GRIK4: variants seen among roughly 807,000 people sequenced by gnomAD.
The protein encoded by GRIK4 is glutamate receptor ionotropic, kainate 4.
GRIK4 carries 40 observed loss-of-function variants against 104.9 expected under a neutral mutation model. The ratio of observed to expected loss-of-function variants is 0.38; its 90% CI spans 0.30 to 0.50. GRIK4 has a LOEUF of 0.50. GRIK4 is among the 20% of genes least tolerant of loss of function. The pLI, the probability that GRIK4 is intolerant of heterozygous loss-of-function variation, is 0.93. For missense variants in GRIK4, 1,047 were observed against 1,308.1 expected (o/e 0.80, Z 3.08); for synonymous variants, 485 against 524.9 (o/e 0.92, Z 1.04).
intron 1 of GRIK4, chr11:120,620,163 A>G (rs1173423011): frequency 3.6e-6 from 3 of 843,154 alleles, no homozygotes; most frequent in Non-Finnish European, 6.3e-6. Flanking sequence ...ATGTTAATGC[A>G]TGTTCTCTTT....
chr11:120,884,933 G>A (rs943365795), intron 11 of GRIK4, among the ~76,000 whole-genome samples: 3 of 152,256 alleles, frequency 2.0e-5, no homozygotes. Flanking sequence ...AGTGTCCTGA[G>A]TTCCAGAAGG....
At chr11:120,601,538 G>A (rs1591728260) in intron 1 of GRIK4, among the ~76,000 whole-genome samples, 1 of 152,040 alleles carries the variant, frequency 6.6e-6, no homozygotes, top group Non-Finnish European at 1.5e-5. Flanking sequence ...TGTTTAAGGC[G>A]GGGTGTGGGG....
chr11:120,633,647 A>C (rs1333691017), intron 1 of GRIK4, among the ~76,000 whole-genome samples: 1 of 152,110 alleles, frequency 6.6e-6, no homozygotes, highest in East Asian at 1.9e-4. Context: ...TTAAGTAAAG[A>C]GGGAAATGAA....
At chr11:120,579,759 A>T (rs1948543523) in intron 1 of GRIK4, among the ~76,000 whole-genome samples, 1 of 152,034 alleles carries the variant, frequency 6.6e-6, no homozygotes, top group Non-Finnish European at 1.5e-5. Flanking sequence ...TTATTAAGGT[A>T]TGTTTTACAC....
intron 4 of GRIK4, among the ~76,000 whole-genome samples, chr11:120,813,188 A>T (rs1952863859): frequency 6.6e-6 from 1 of 152,160 alleles, no homozygotes; most frequent in Non-Finnish European, 1.5e-5. Flanking sequence ...AGTGGCTGTG[A>T]GAGAGGAACA....
At chr11:120,740,292 A>G (rs1256688029) in intron 3 of GRIK4, among the ~76,000 whole-genome samples, 3 of 152,188 alleles carry the variant, frequency 2.0e-5, no homozygotes, top group African/African-American at 7.2e-5. Flanking sequence ...CCGGCCATGC[A>G]CCTGCTGTTG....
rs568076337 is a variant in GRIK4, at chr11:120,523,969, C to A, written c.-159+12082C>A. The stretch of plus-strand genomic sequence containing the variant: ...CTGAGACGGAGCCTTGCTCTGTCAC[C>A]AGGCTGGAGTGCAGTGGCACGATCT... On this transcript the variant is annotated intron_variant, in intron 1 of 20. Coordinates refer to ENST00000527524, the MANE Select transcript of GRIK4 (RefSeq NM_014619.5). Among the ~76,000 whole-genome samples, 302 of 151,790 alleles carry A rather than the reference C, an allele frequency of 2.0e-3. 1 individual carries two copies. Among genetic ancestry groups the A allele is most frequent in the African/African-American group, 7.0e-3 (288 of 41,332 alleles).
intron 1 of GRIK4, among the ~76,000 whole-genome samples, chr11:120,514,005 G>A (rs1185403578): frequency 6.6e-6 from 1 of 152,190 alleles, no homozygotes; most frequent in Non-Finnish European, 1.5e-5. Flanking sequence ...GAAAGTCCCA[G>A]CTGCAGGGAG....
rs1418368397 is a variant in GRIK4 at position 120,636,986 on chromosome 11, T to C, written c.-158-16699T>C. 2.6e-5 allele frequency among the ~76,000 whole-genome samples: 4 copies of C among 152,098 alleles called. No homozygotes were observed. In the East Asian group the frequency reaches 7.7e-4, roughly 29 times the overall value. ...AGGGTGCCCCCCAGTGATAAGCTGGTGCAAAACCAGCTTCTGCCTGCTTCG... is the reference window on the plus strand; with the variant it reads ...AGGGTGCCCCCCAGTGATAAGCTGGCGCAAAACCAGCTTCTGCCTGCTTCG... On this transcript the variant is annotated intron_variant, in intron 1 of 20. Coordinates refer to ENST00000527524, the MANE Select transcript of GRIK4 (RefSeq NM_014619.5).
chr11:120,891,783 CTT>C (rs933689921), intron 11 of GRIK4, among the ~76,000 whole-genome samples: 1 of 152,088 alleles, frequency 6.6e-6, no homozygotes, highest in Non-Finnish European at 1.5e-5. Flanking sequence ...AGGAGTCCGA[CTT>C]TGAGGGATTA....
chr11:120,704,920 C>T (rs958356293), intron 3 of GRIK4, among the ~76,000 whole-genome samples: 3 of 152,172 alleles, frequency 2.0e-5, no homozygotes, highest in Admixed American at 2.0e-4. Flanking sequence ...TGTGGTTTTC[C>T]AGTTGTCCCA....
chr11:120,673,275 G>T (rs1950049459), intron 3 of GRIK4, among the ~76,000 whole-genome samples: 1 of 152,198 alleles, frequency 6.6e-6, no homozygotes, highest in Non-Finnish European at 1.5e-5. Context: ...AATATCTACT[G>T]AATGAATGAA....
intron 1 of GRIK4, among the ~76,000 whole-genome samples, chr11:120,594,135 T>G (rs919009273): frequency 6.6e-6 from 1 of 152,266 alleles, no homozygotes; most frequent in Non-Finnish European, 1.5e-5. Flanking sequence ...TTAAATTGTT[T>G]CATGCTACTC....
chr11:120,744,534 A>T (rs945992828), intron 3 of GRIK4, among the ~76,000 whole-genome samples: 2 of 152,206 alleles, frequency 1.3e-5, no homozygotes, highest in Non-Finnish European at 2.9e-5. Context: ...GCCCTGGGCA[A>T]AGGGGGCAGT....
chr11:120,814,210 A>T (rs190185411), intron 4 of GRIK4, among the ~76,000 whole-genome samples: 1 of 152,310 alleles, frequency 6.6e-6, no homozygotes, highest in East Asian at 1.9e-4. Flanking sequence ...TAGTGAGAGG[A>T]GAGCACTAAA....
chr11:120,908,616 G>A (rs1289845790), intron 13 of GRIK4, among the ~76,000 whole-genome samples: 5 of 152,148 alleles, frequency 3.3e-5, no homozygotes, highest in African/African-American at 7.2e-5. Flanking sequence ...GCAGGCAGGC[G>A]GGGAGAGTAT....
chr11:120,834,536 C>T (rs958766284), intron 7 of GRIK4, among the ~76,000 whole-genome samples: 1 of 152,206 alleles, frequency 6.6e-6, no homozygotes, highest in Non-Finnish European at 1.5e-5. Flanking sequence ...CCTCTGTCCT[C>T]ATGCTTCCCT....
At chr11:120,796,289 C>T (rs1952514062) in intron 3 of GRIK4, among the ~76,000 whole-genome samples, 1 of 152,134 alleles carries the variant, frequency 6.6e-6, no homozygotes, top group Non-Finnish European at 1.5e-5. Flanking sequence ...CCCGCCTCAG[C>T]CTCCCAAAGT....
intron 1 of GRIK4, among the ~76,000 whole-genome samples, chr11:120,629,440 G>A (rs1439750580): frequency 6.6e-6 from 1 of 152,110 alleles, no homozygotes; most frequent in Non-Finnish European, 1.5e-5. Flanking sequence ...AGCTACTGTC[G>A]TTCCTGCCAC....
Sources: allele counts gnomAD v4.1 joint callset (sites outside exome capture counted in the v4.1 genomes callset), GRCh38; gene constraint gnomAD v4.1.1; transcripts MANE v1.5; gene names NCBI Gene and HGNC (gene_info 2026-07-23, HGNC 2026-07-21).